The following SRGAP2 variants were observed in gnomAD, a reference collection of about 807,000 sequenced individuals.
The protein encoded by SRGAP2 is SLIT-ROBO Rho GTPase activating protein 2.
SRGAP2 carries 15 observed loss-of-function variants against 57.2 expected under a neutral mutation model. The observed-to-expected ratio is 0.26, with a 90% CI of 0.18 to 0.40. The LOEUF (loss-of-function observed/expected upper bound fraction) is 0.40, where lower values mean the gene tolerates loss of function less well. SRGAP2 is among the 10% of genes least tolerant of loss of function. SRGAP2 has a pLI of 1.00. For synonymous variants in SRGAP2, 249 were observed against 248.0 expected (o/e 1.00, Z -0.04); for missense variants, 520 against 669.6 (o/e 0.78, Z 2.47).
At chr1:206,240,047 C>T (rs1180990521) in intron 2 of SRGAP2, among the ~76,000 whole-genome samples, 9 of 151,682 alleles carry the variant, frequency 5.9e-5, no homozygotes, top group East Asian at 2.0e-4. Flanking sequence ...GGGCGGATCA[C>T]GAGATCAGGA....
intron 3 of SRGAP2, among the ~76,000 whole-genome samples, chr1:206,309,825 A>G (rs1294991948): frequency 6.6e-6 from 1 of 151,216 alleles, no homozygotes; most frequent in Non-Finnish European, 1.5e-5. Flanking sequence ...AGATGAAAGT[A>G]TATGAATTCA....
rs112370395 is a variant in SRGAP2 at position 206,422,601 on chromosome 1, T to A, written c.1494+1327T>A. On this transcript the variant is annotated intron_variant, in intron 13 of 22. Transcript: ENST00000573034. ...GAAATGAGCTTGAAGTTTGTTCTTT[T>A]CAGTTCCTTGGCTGAAACCAGGCAT... 5.0e-3 allele frequency among the ~76,000 whole-genome samples: 764 copies of A among 152,336 alleles called. 2 individuals are homozygous for A. The highest frequency in any genetic ancestry group is 8.0e-3 in the Non-Finnish European group (543 of 68,030).
rs371674974 is a variant in SRGAP2 at position 206,256,118 on chromosome 1, G to T, written c.68-47163G>T. ...AAGCAGATTTTATTACATTAGAAGA[G>T]AACCTACCTGGCTGCATCCAACACC... On this transcript the variant is annotated intron_variant, in intron 2 of 22. Transcript: ENST00000573034. Among the ~76,000 whole-genome samples the T allele has an allele frequency of 2.7e-5, 4 of 150,634 alleles. No homozygotes were observed. In the East Asian group the frequency reaches 7.9e-4, roughly 30 times the overall value.
chr1:206,339,118 G>A (rs1674982767), intron 3 of SRGAP2, among the ~76,000 whole-genome samples: 1 of 150,634 alleles, frequency 6.6e-6, no homozygotes. Flanking sequence ...ATGGAAAAAA[G>A]AAGATATTTT....
chr1:206,447,036 A>G (rs1322308524), intron 18 of SRGAP2, among the ~76,000 whole-genome samples: 2 of 152,200 alleles, frequency 1.3e-5, no homozygotes, highest in East Asian at 3.8e-4. Flanking sequence ...AGTGATGGGA[A>G]TTTAACCCCA....
At chr1:206,452,703 A>G (rs1261069943) in intron 19 of SRGAP2, among the ~76,000 whole-genome samples, 1 of 152,046 alleles carries the variant, frequency 6.6e-6, no homozygotes, top group African/African-American at 2.4e-5. Flanking sequence ...CCTGGCTAAC[A>G]TGGTGAAACC....
intron 4 of SRGAP2, among the ~76,000 whole-genome samples, chr1:206,380,479 CT>C (rs529950543): frequency 4.2e-5 from 6 of 142,632 alleles, no homozygotes; most frequent in African/African-American, 5.6e-5. Flanking sequence ...ATTTAGGCAT[CT>C]TTTTTTTTTT....
chr1:206,443,896 AC>A (rs1211348178), intron 17 of SRGAP2, among the ~76,000 whole-genome samples: 41 of 152,296 alleles, frequency 2.7e-4, no homozygotes, highest in African/African-American at 9.9e-4. Context: ...ATAGTTAAGA[AC>A]CACTGCTTTA....
chr1:206,421,973 T>C, intron 13 of SRGAP2, among the ~76,000 whole-genome samples: 1 of 152,226 alleles, frequency 6.6e-6, no homozygotes, highest in East Asian at 1.9e-4. Context: ...AGTAGCAAAA[T>C]TGACTTCCTA....
At chr1:206,252,974 C>T (rs1227831328) in intron 2 of SRGAP2, among the ~76,000 whole-genome samples, 1 of 138,872 alleles carries the variant, frequency 7.2e-6, no homozygotes, top group African/African-American at 2.9e-5. Context: ...CTTTTCCTGG[C>T]AGCCGGCATT....
At position 206,372,960 on chromosome 1, in the gene SRGAP2, CTTTCCTTTCTTTCTTTCTTTCTTTCTTT is replaced by C. The variant is rs1654733758; in HGVS notation, c.424-11053_424-11026del. On this transcript the variant is annotated intron_variant, in intron 4 of 22. Transcript: ENST00000573034. ...CTTTCTTTCTTTCTTTCTTTCTTTT[CTTTCCTTTCTTTCTTTCTTTCTTTCTTT>C]CTTTCTTTCTTTCTTTCTTTCTTTC... Among the ~76,000 whole-genome samples the C allele has an allele frequency of 5.4e-3, 97 of 18,038 alleles. 6 individuals carry two copies. The highest frequency in any genetic ancestry group is 0.02 in the African/African-American group (73 of 3,622). 11.8% of individuals were successfully genotyped at this position (18,038 alleles called of 152,430 possible). A position where few individuals can be genotyped will look rare whatever the true frequency, so the allele number is the denominator to read the frequency against.
intron 3 of SRGAP2, among the ~76,000 whole-genome samples, chr1:206,339,266 G>A (rs1320053425): frequency 2.0e-5 from 3 of 152,040 alleles, no homozygotes; most frequent in East Asian, 1.9e-4. Context: ...GTTGATTTTC[G>A]CTACCCAACC....
At chr1:206,423,956 T>TA (rs1239660625) in intron 13 of SRGAP2, among the ~76,000 whole-genome samples, 1 of 148,468 alleles carries the variant, frequency 6.7e-6, no homozygotes, top group Non-Finnish European at 1.5e-5. Context: ...TGTATTTTTT[T>TA]TTTTTTTTTT....
At chr1:206,279,883 G>T (rs1300287199) in intron 2 of SRGAP2, among the ~76,000 whole-genome samples, 6 of 152,024 alleles carry the variant, frequency 3.9e-5, no homozygotes, top group Admixed American at 1.3e-4. Context: ...CCACCTGCAT[G>T]CTAGAGGATG....
chr1:206,440,610 C>T (rs1216615175), intron 17 of SRGAP2, among the ~76,000 whole-genome samples: 3 of 151,488 alleles, frequency 2.0e-5, no homozygotes, highest in East Asian at 3.9e-4. Flanking sequence ...TACAGTGGAG[C>T]GATCTTGGCT....
In SRGAP2 at chr1:206,421,764, C is replaced by T. The variant is rs186104841; in HGVS notation, c.1494+490C>T. Among the ~76,000 whole-genome samples the T allele has an allele frequency of 7.2e-5, 11 of 152,270 alleles. No homozygotes were observed. The East Asian group carries it at 1.9e-3, about 27-fold the overall frequency. On this transcript the variant is annotated intron_variant, in intron 13 of 22. Coordinates refer to ENST00000573034, the MANE Select transcript of SRGAP2 (RefSeq NM_015326.5). Reference sequence around the variant, plus strand: ...GAGAAGATTAAGTCTGGTCTAGGAACGATAGGCAAGGGCCGTTCAACTCTG... The same window carrying T: ...GAGAAGATTAAGTCTGGTCTAGGAATGATAGGCAAGGGCCGTTCAACTCTG...
intron 3 of SRGAP2, among the ~76,000 whole-genome samples, chr1:206,313,585 G>T (rs1326937755): frequency 1.3e-5 from 2 of 152,106 alleles, no homozygotes; most frequent in Non-Finnish European, 2.9e-5. Flanking sequence ...GGAAGAAGTG[G>T]ACAAAGGTAG....
At chr1:206,444,935 G>A (rs1370309880) in intron 17 of SRGAP2, among the ~76,000 whole-genome samples, 2 of 149,472 alleles carry the variant, frequency 1.3e-5, no homozygotes, top group Non-Finnish European at 2.9e-5. Flanking sequence ...CAAACAGACA[G>A]GGGGTACATC....
intron 3 of SRGAP2, among the ~76,000 whole-genome samples, chr1:206,336,100 G>A (rs1674756149): frequency 1.4e-5 from 2 of 138,510 alleles, no homozygotes; most frequent in South Asian, 2.5e-4. Flanking sequence ...TCAAGGGTGT[G>A]GTTCTGCTCC....
Sources: allele counts gnomAD v4.1 joint callset (sites outside exome capture counted in the v4.1 genomes callset), GRCh38; gene constraint gnomAD v4.1.1; transcripts MANE v1.5; gene names NCBI Gene and HGNC (gene_info 2026-07-23, HGNC 2026-07-21).